MROH1: variants seen among roughly 807,000 people sequenced by gnomAD.
The protein encoded by MROH1 is maestro heat like repeat family member 1, also known as maestro heat-like repeat-containing protein family member 1.
A neutral mutation model predicts 116.5 loss-of-function variants in MROH1; 117 were observed. That is an observed-to-expected ratio of 1.00 (90% CI 0.86 to 1.17). The LOEUF is 1.17. MROH1 is among the 50% of genes most tolerant of loss of function. The probability of loss-of-function intolerance (pLI) is 0.00; values close to 1 mark genes in which losing one functional copy is unlikely to be tolerated. For synonymous variants in MROH1, 921 were observed against 583.9 expected (o/e 1.58, Z -8.32); for missense variants, 1,873 against 1,338.5 (o/e 1.40, Z -6.23).
rs989441399 is a variant in MROH1 at position 144,155,941 on chromosome 8, T to C, written c.-176-5029T>C. Reference sequence around the variant, plus strand: ...AGCCACTGCACCCGGCCAGTTTTTCTTAAGTAACAAGTTGAGGCCGGGCGC... The same window carrying C: ...AGCCACTGCACCCGGCCAGTTTTTCCTAAGTAACAAGTTGAGGCCGGGCGC... On this transcript the variant is annotated intron_variant, in intron 1 of 43. Transcript: ENST00000326134. Among the ~76,000 whole-genome samples the C allele has an allele frequency of 1.8e-4, 27 of 151,796 alleles. 3 individuals carry two copies. Among genetic ancestry groups the C allele is most frequent in the Admixed American group, 1.6e-3 (25 of 15,244 alleles).
chr8:144,174,771 C>G (rs2131180935), intron 4 of MROH1: 1 of 951,436 alleles, frequency 1.1e-6, no homozygotes, highest in South Asian at 4.8e-5. Flanking sequence ...GTGTGAGCCA[C>G]TGTGGCTGGC....
At chr8:144,155,967 G>A (rs1049482374) in intron 1 of MROH1, among the ~76,000 whole-genome samples, 1 of 151,698 alleles carries the variant, frequency 6.6e-6, no homozygotes, top group Non-Finnish European at 1.5e-5. Flanking sequence ...GGCCGGGCGC[G>A]GTGGCTCACG....
chr8:144,157,282 A>G (rs1288999263), intron 1 of MROH1, among the ~76,000 whole-genome samples: 13 of 152,178 alleles, frequency 8.5e-5, no homozygotes, highest in African/African-American at 2.9e-4. Context: ...GGGCTTCACC[A>G]TGTTGGCCAG....
In MROH1 at chr8:144,159,229, G is replaced by A. The variant is rs541897506; in HGVS notation, c.-176-1741G>A. ...AAAAATTAGCCAGGTATGGTGGCCCGTTTCTGTAGTCCCAGCTCCTGGGGA... is the reference window on the plus strand; with the variant it reads ...AAAAATTAGCCAGGTATGGTGGCCCATTTCTGTAGTCCCAGCTCCTGGGGA... On this transcript the variant is annotated intron_variant, in intron 1 of 43. Transcript: ENST00000326134. Among the ~76,000 whole-genome samples the A allele has an allele frequency of 1.3e-4, 20 of 152,250 alleles. No homozygotes were observed. The East Asian group carries it at 2.1e-3, about 16-fold the overall frequency.
rs1415155799 is a variant in MROH1 at position 144,254,850 on chromosome 8, C to G, written c.3466C>G (p.Pro1156Ala). 5.1e-6 allele frequency: 4 copies of G among 777,254 alleles called. No homozygotes were observed. The highest frequency in any genetic ancestry group is 3.1e-4 in the Middle Eastern group (1 of 3,276). The allele number at this position is 777,254 out of a possible 1,614,324, so 48.1% of individuals were successfully genotyped here. Reference protein sequence around the residue: ...CMLWRALAVEPRLAAQVLGLL... With the variant: ...CMLWRALAVEARLAAQVLGLL... ...GCTGTGGCGGGCGCTGGCGGTGGAG[C>G]CTCGCCTAGCTGCCCAGGTCCTGGG... The change falls in exon 34 of 44, where the codon CCT becomes GCT. Residue 1156 changes from proline to alanine, a missense_variant. Transcript: ENST00000326134.
At chr8:144,166,493 G>GA (rs912330530) in intron 3 of MROH1, among the ~76,000 whole-genome samples, 5 of 152,216 alleles carry the variant, frequency 3.3e-5, no homozygotes, top group Non-Finnish European at 5.9e-5. Flanking sequence ...CCTTAAGGCT[G>GA]ACTGTGTGCG....
At chr8:144,214,294 GA>G (rs1834806470) in intron 12 of MROH1, 1 of 152,344 alleles carries the variant, frequency 6.6e-6, no homozygotes, top group South Asian at 2.1e-4. Context: ...GCACCCCCAT[GA>G]ATATGTTTCT....
chr8:144,235,944 T>C (rs938953411), intron 14 of MROH1, among the ~76,000 whole-genome samples: 34 of 152,338 alleles, frequency 2.2e-4, no homozygotes, highest in Admixed American at 2.2e-3. Context: ...AATAAGGACA[T>C]TGTTCTACAC....
intron 33 of MROH1, chr8:144,250,692 C>T (rs1842709004): frequency 2.3e-6 from 1 of 442,982 alleles, no homozygotes; most frequent in Non-Finnish European, 4.2e-6. Context: ...CTCCAGCACA[C>T]ACTGGAGGCT....
intron 15 of MROH1, 62 bp from the exon 16 acceptor site, chr8:144,238,973 G>A (rs1840506129): frequency 1.3e-6 from 1 of 771,790 alleles, no homozygotes; most frequent in African/African-American, 1.7e-5. Flanking sequence ...AGCTCCGGCA[G>A]GGCCCTGTCT....
chr8:144,202,601 A>G (rs557761652), intron 12 of MROH1, among the ~76,000 whole-genome samples: 2 of 76,204 alleles, frequency 2.6e-5, no homozygotes, highest in Non-Finnish European at 4.9e-5. Context: ...GAAAGGAGGG[A>G]AGCGCAGGCT....
rs1171857020 is a variant in MROH1, at chr8:144,220,583, CTGTT to C, written c.1142-11_1142-8del. ...CATCTCAGTGGTAGGCTGAGCTGTCCTGTTTGTTTCTTGCAGCTGCTCAGATGGA... is the reference window on the plus strand; with the variant it reads ...CATCTCAGTGGTAGGCTGAGCTGTCCTGTTTCTTGCAGCTGCTCAGATGGA... On this transcript the variant is annotated splice_polypyrimidine_tract_variant and intron_variant, in intron 12 of 43. Transcript: ENST00000326134. 1 of 1,562,162 alleles carries C rather than the reference CTGTT, an allele frequency of 6.4e-7. No homozygotes were observed. Among genetic ancestry groups the C allele is most frequent in the Non-Finnish European group, 8.7e-7 (1 of 1,153,076 alleles).
At position 144,261,223 on chromosome 8, in the gene MROH1, A is replaced by AC. The variant is rs1844985541; in HGVS notation, c.4774+9dup. ...GCTGCACCCCTGTTCACCGGTAAGC[A>AC]CCACCCCCTGCCCCACCCCCACGCC... On this transcript the variant is annotated splice_region_variant and intron_variant, in intron 42 of 43. Coordinates refer to ENST00000326134, the MANE Select transcript of MROH1 (RefSeq NM_032450.3). The AC allele has an allele frequency of 2.6e-6, 2 of 763,386 alleles. No homozygotes were observed. The highest frequency in any genetic ancestry group is 4.8e-6 in the Non-Finnish European group (2 of 417,540). The allele number at this position is 763,386 out of a possible 1,614,324, so 47.3% of individuals were successfully genotyped here.
chr8:144,247,803 A>G (rs1842151822), intron 31 of MROH1, 124 bp downstream of exon 31: 2 of 692,756 alleles, frequency 2.9e-6, no homozygotes, highest in Non-Finnish European at 5.3e-6. Flanking sequence ...AGTGGGCATG[A>G]GCAGGGCCTG....
intron 14 of MROH1, among the ~76,000 whole-genome samples, chr8:144,236,245 C>T (rs1043197499): frequency 6.6e-6 from 1 of 152,116 alleles, no homozygotes; most frequent in African/African-American, 2.4e-5. Flanking sequence ...GGAGGAATCT[C>T]ATGGAATCGT....
intron 10 of MROH1, among the ~76,000 whole-genome samples, chr8:144,196,166 T>C (rs1829847760): frequency 6.6e-6 from 1 of 151,336 alleles, no homozygotes; most frequent in African/African-American, 2.4e-5. Flanking sequence ...GGCGGGTGCC[T>C]GTAATCCCAA....
At chr8:144,175,310 G>C (rs577491246) in intron 4 of MROH1, among the ~76,000 whole-genome samples, 3 of 148,336 alleles carry the variant, frequency 2.0e-5, no homozygotes, top group African/African-American at 5.2e-5. Flanking sequence ...GGGTCCAGTC[G>C]GATGGGTATA....
rs1442053948 is a variant in MROH1, at chr8:144,200,666, CTACT to C, written c.1141+130_1141+133del. 11 of 761,078 alleles carry C rather than the reference CTACT, an allele frequency of 1.4e-5. No homozygotes were observed. The Admixed American group carries it at 2.2e-4, about 16-fold the overall frequency. 47.1% of individuals were successfully genotyped at this position (761,078 alleles called of 1,614,324 possible). On this transcript the variant is annotated intron_variant, in intron 12 of 43. Transcript: ENST00000326134. ...CTTTGAATTCTCTAGAAAGATTTCC[CTACT>C]TACTATTTTGCAAAATTCTAAACTT...
Position 144,254,918 on chromosome 8 carries a change from G to A in MROH1, c.3534G>A (p.Glu1178=), listed in dbSNP as rs1843427918. 3 of 777,448 alleles carry A rather than the reference G, an allele frequency of 3.9e-6. No individual in the cohort carries two copies. The highest frequency in any genetic ancestry group is 7.2e-6 in the Non-Finnish European group (3 of 417,286). The allele number at this position is 777,448 out of a possible 1,614,324, so 48.2% of individuals were successfully genotyped here. ...TGAGTAGGGACGTCCCTTTCAAGGAGAGCCGGGCCTTCCTGCTGGGCCGCA... is the reference window on the plus strand; with the variant it reads ...TGAGTAGGGACGTCCCTTTCAAGGAAAGCCGGGCCTTCCTGCTGGGCCGCA... ...EKMSRDVPFK[E]SRAFLLGRTP... Residue 1178 remains glutamate, a synonymous_variant, in exon 34 of 44, where the codon GAG becomes GAA. Coordinates refer to ENST00000326134, the MANE Select transcript of MROH1 (RefSeq NM_032450.3).
Sources: gnomAD v4.1 joint callset for allele counts (sites outside exome capture counted in the v4.1 genomes callset) on GRCh38, gnomAD v4.1.1 for gene constraint, MANE v1.5 for transcripts, NCBI Gene and HGNC (gene_info 2026-07-23, HGNC 2026-07-21) for gene names.